Variants in PAPOLA observed in about 807,000 individuals in gnomAD.
The protein encoded by PAPOLA is polynucleotide adenylyltransferase alpha.
A neutral mutation model predicts 100.6 loss-of-function variants in PAPOLA; 15 were observed. The ratio of observed to expected loss-of-function variants is 0.15; its 90% CI spans 0.10 to 0.23. The LOEUF (loss-of-function observed/expected upper bound fraction) is 0.23. Ranked by LOEUF, PAPOLA falls within the 10% of genes least tolerant of loss-of-function variation. PAPOLA has a pLI of 1.00. For synonymous variants in PAPOLA, 293 were observed against 300.0 expected (o/e 0.98, Z 0.24); for missense variants, 533 against 884.2 (o/e 0.60, Z 5.04).
At chr14:96,549,470 G>T (rs950890796) in intron 16 of PAPOLA, among the ~76,000 whole-genome samples, 2 of 151,932 alleles carry the variant, frequency 1.3e-5, no homozygotes, top group African/African-American at 4.8e-5. Context: ...GGATGGTCTC[G>T]ATCTCCTGGC....
intron 14 of PAPOLA, 133 bp downstream of exon 14, chr14:96,543,026 T>C (rs752589335): frequency 4.2e-5 from 38 of 908,728 alleles, no homozygotes; most frequent in Non-Finnish European, 5.8e-5. Flanking sequence ...TTAGAACTTA[T>C]AATTTAGTTT....
At chr14:96,550,141 CCTGT>C (rs1243665293) in intron 16 of PAPOLA, among the ~76,000 whole-genome samples, 68 of 152,210 alleles carry the variant, frequency 4.5e-4, no homozygotes, top group African/African-American at 1.6e-3. Context: ...AGAACGAGAC[CCTGT>C]CTCTTACAAA....
intron 16 of PAPOLA, among the ~76,000 whole-genome samples, chr14:96,548,249 A>C (rs1900549224): frequency 6.6e-6 from 1 of 152,172 alleles, no homozygotes; most frequent in Non-Finnish European, 1.5e-5. Context: ...AAAGTAAACT[A>C]AATTAAATTA....
At chr14:96,530,510 C>G (rs1012339510) in intron 6 of PAPOLA, among the ~76,000 whole-genome samples, 2 of 151,952 alleles carry the variant, frequency 1.3e-5, no homozygotes, top group African/African-American at 2.4e-5. Context: ...CCTCAGCCCC[C>G]CCAAGTAGGT....
At chr14:96,510,789 G>T (rs1325322733) in intron 1 of PAPOLA, among the ~76,000 whole-genome samples, 1 of 152,178 alleles carries the variant, frequency 6.6e-6, no homozygotes, top group South Asian at 2.1e-4. Context: ...AACACCTTAC[G>T]GTGGGCCAGT....
At chr14:96,517,241 C>T (rs560878811) in intron 1 of PAPOLA, among the ~76,000 whole-genome samples, 75 of 152,022 alleles carry the variant, frequency 4.9e-4, no homozygotes, top group South Asian at 3.3e-3. Context: ...ATTCATAATC[C>T]CAGGATAATT....
chr14:96,516,296 A>G (rs912480123), intron 1 of PAPOLA, among the ~76,000 whole-genome samples: 1 of 152,004 alleles, frequency 6.6e-6, no homozygotes, highest in Admixed American at 6.6e-5. Context: ...TTTATTTGGT[A>G]GGTCTATGTT....
intron 7 of PAPOLA, chr14:96,531,984 T>C (rs1595527759): frequency 8.0e-7 from 1 of 1,242,290 alleles, no homozygotes; most frequent in Non-Finnish European, 1.0e-6. Flanking sequence ...TACTGTGCTC[T>C]TGAAGAGCAG....
rs550281714 is a variant in PAPOLA, at chr14:96,528,061, T to G, written c.495+55T>G. On this transcript the variant is annotated intron_variant, in intron 6 of 21. Coordinates refer to ENST00000216277, the MANE Select transcript of PAPOLA (RefSeq NM_032632.5). ...GCTATGTGCTGTCACTAATTTTGAT[T>G]GATATAGGTTAAAAACTTGGTTTAA... 111 of 1,145,306 alleles carry G rather than the reference T, an allele frequency of 9.7e-5. No individual in the cohort carries two copies. The South Asian group carries it at 1.2e-3, about 12-fold the overall frequency. 70.9% of individuals were successfully genotyped at this position (1,145,306 alleles called of 1,614,324 possible). A position where few individuals can be genotyped will look rare whatever the true frequency, so the allele number is the denominator to read the frequency against.
chr14:96,532,169 T>A, intron 7 of PAPOLA, 162 bp from the exon 8 acceptor site: 3 of 1,399,644 alleles, frequency 2.1e-6, no homozygotes, highest in Non-Finnish European at 2.8e-6. Context: ...TTAGCTTTAC[T>A]GGTTCTACCA....
intron 6 of PAPOLA, among the ~76,000 whole-genome samples, chr14:96,528,478 T>C (rs1158814109): frequency 2.0e-5 from 3 of 152,252 alleles, no homozygotes; most frequent in Non-Finnish European, 4.4e-5. Flanking sequence ...GTGTGTGTAA[T>C]TAAAGTGATG....
intron 19 of PAPOLA, among the ~76,000 whole-genome samples, chr14:96,558,297 T>C (rs1047524631): frequency 6.6e-6 from 1 of 152,200 alleles, no homozygotes; most frequent in Non-Finnish European, 1.5e-5. Flanking sequence ...ATATACTCAA[T>C]TTTTGTGTCA....
In PAPOLA at chr14:96,527,985, A is replaced by G. The variant is rs1015201381; in HGVS notation, c.474A>G (p.Lys158=). The G allele has an allele frequency of 5.6e-6, 9 of 1,608,102 alleles. No individual in the cohort carries two copies. The highest frequency in any genetic ancestry group is 6.8e-6 in the Non-Finnish European group (8 of 1,174,778). ...AVEEAFVPVI[K]LCFDGIEIDI... ...AAGAGGCATTCGTACCAGTTATTAAACTCTGTTTTGATGGGATAGAGGTAA... is the reference window on the plus strand; with the variant it reads ...AAGAGGCATTCGTACCAGTTATTAAGCTCTGTTTTGATGGGATAGAGGTAA... Residue 158 remains lysine (K), a synonymous_variant, in exon 6 of 22, where the codon AAA becomes AAG. Transcript: ENST00000216277.
chr14:96,540,438 G>A (rs1238214899), intron 12 of PAPOLA, among the ~76,000 whole-genome samples: 1 of 149,134 alleles, frequency 6.7e-6, no homozygotes, highest in African/African-American at 2.5e-5. Context: ...TAACCAGTTA[G>A]CCATTTTTAA....
intron 6 of PAPOLA, 128 bp from the exon 7 acceptor site, chr14:96,531,347 G>T: frequency 4.5e-6 from 3 of 664,050 alleles, no homozygotes; most frequent in Non-Finnish European, 7.8e-6. Flanking sequence ...GCCCAGGCTG[G>T]TCTTGCTCAA....
intron 1 of PAPOLA, chr14:96,504,261 A>C (rs1055469341): frequency 4.6e-5 from 7 of 152,252 alleles, no homozygotes; most frequent in African/African-American, 1.7e-4. Context: ...ATGAAGAAAT[A>C]ACATTAAGTA....
At chr14:96,537,855 A>G (rs1430736149) in intron 12 of PAPOLA, 1 of 151,892 alleles carries the variant, frequency 6.6e-6, no homozygotes, top group Non-Finnish European at 1.5e-5. Context: ...TAATCTAAGC[A>G]AGATTGCTTT....
intron 9 of PAPOLA, chr14:96,533,940 C>CA: frequency 2.0e-6 from 2 of 984,866 alleles, no homozygotes; most frequent in Non-Finnish European, 2.4e-6. Flanking sequence ...AGGTGTTCTC[C>CA]AGTTTTTACC....
At chr14:96,549,034 A>G (rs1797229761) in intron 16 of PAPOLA, among the ~76,000 whole-genome samples, 1 of 152,062 alleles carries the variant, frequency 6.6e-6, no homozygotes, top group Non-Finnish European at 1.5e-5. Flanking sequence ...AATTGTGGCA[A>G]TATTTTTACC....
Sources: gnomAD v4.1 joint callset for allele counts (sites outside exome capture counted in the v4.1 genomes callset) on GRCh38, gnomAD v4.1.1 for gene constraint, MANE v1.5 for transcripts, NCBI Gene and HGNC (gene_info 2026-07-23, HGNC 2026-07-21) for gene names.